The following ZNF66 variants were observed in gnomAD, a reference collection of about 807,000 sequenced individuals.
ZNF66 encodes the protein zinc finger protein 66, also known as putative zinc finger protein 66.
Under a neutral mutation model 35.2 loss-of-function variants are expected in ZNF66, and 32 were observed. The ratio of observed to expected loss-of-function variants is 0.91; its 90% CI spans 0.69 to 1.22. The LOEUF (loss-of-function observed/expected upper bound fraction) is 1.22. Among genes scored for constraint, ZNF66 ranks in the 50% most tolerant of loss-of-function variants. ZNF66 has a pLI of 0.00. For missense variants in ZNF66, 666 were observed against 543.1 expected (o/e 1.23, Z -2.25); for synonymous variants, 231 against 181.3 (o/e 1.27, Z -2.20).
chr19:20,806,416 T>G lies in ZNF66; in HGVS notation c.816T>G (p.Leu272=), dbSNP rs569288527. 3 of 1,561,958 alleles carry G rather than the reference T, an allele frequency of 1.9e-6. No homozygotes were observed. The highest frequency in any genetic ancestry group is 2.7e-5 in the African/African-American group (2 of 74,126). The change falls in exon 4 of 4, where the codon CTT becomes CTG. Residue 272 remains leucine, a synonymous_variant. Transcript: ENST00000344519. The part of the protein sequence containing the change: ...CGKAFKRSSI[L]TTHKRIHTGE... ...AGGCCTTTAAGCGCTCCTCTATCCTTACTACACATAAGAGAATTCATACTG... is the reference window on the plus strand; with the variant it reads ...AGGCCTTTAAGCGCTCCTCTATCCTGACTACACATAAGAGAATTCATACTG...
intron 3 of ZNF66, among the ~76,000 whole-genome samples, chr19:20,797,559 T>C (rs1971407443): frequency 6.7e-6 from 1 of 150,218 alleles, no homozygotes; most frequent in African/African-American, 2.4e-5. Context: ...TAGTGTGTTT[T>C]TCAGTGTAGG....
Position 20,807,567 on chromosome 19 carries a change from A to T in ZNF66, c.*245A>T, listed in dbSNP as rs561113675. Among the ~76,000 whole-genome samples the T allele has an allele frequency of 2.7e-5, 4 of 150,462 alleles. No homozygotes were observed. The highest frequency in any genetic ancestry group is 5.9e-5 in the Non-Finnish European group (4 of 67,794). ...TGAAGAATGTGGCATAGCCTATAAC[A>T]ATTTTCAATCAATTCTTTTTTTTTT... On this transcript the variant is annotated 3_prime_UTR_variant, in exon 4 of 4. Transcript: ENST00000344519.
chr19:20,782,864 A>G (rs1490989563), intron 1 of ZNF66, among the ~76,000 whole-genome samples: 2 of 151,956 alleles, frequency 1.3e-5, no homozygotes, highest in Admixed American at 1.3e-4. Context: ...AAGAAGTTCC[A>G]TTTGTCAATT....
At position 20,807,449 on chromosome 19, in the gene ZNF66, A is replaced by G. The variant is rs1971533263; in HGVS notation, c.*127A>G. The G allele has an allele frequency of 1.8e-6, 1 of 542,792 alleles. No homozygotes were observed. Among genetic ancestry groups the G allele is most frequent in the Admixed American group, 3.3e-5 (1 of 30,724 alleles). The allele number at this position is 542,792 out of a possible 1,614,324, so 33.6% of individuals were successfully genotyped here. ...CTAAATATGAGAATTTATGGAACAC[A>G]AACACTACAAATATAAAGAATGTGA... On this transcript the variant is annotated 3_prime_UTR_variant, in exon 4 of 4. Transcript: ENST00000344519.
chr19:20,793,410 A>G (rs1971360808), intron 2 of ZNF66, among the ~76,000 whole-genome samples: 1 of 135,940 alleles, frequency 7.4e-6, no homozygotes, highest in Admixed American at 8.5e-5. Flanking sequence ...GGCTTACTGC[A>G]ACATCCACCT....
At chr19:20,803,433 A>G (rs1971470049) in intron 3 of ZNF66, among the ~76,000 whole-genome samples, 1 of 151,946 alleles carries the variant, frequency 6.6e-6, no homozygotes, top group Admixed American at 6.6e-5. Context: ...ATCCAACAAT[A>G]TATTTAAATG....
chr19:20,787,863 C>T (rs1371500798), intron 1 of ZNF66, among the ~76,000 whole-genome samples: 1 of 152,200 alleles, frequency 6.6e-6, no homozygotes, highest in African/African-American at 2.4e-5. Flanking sequence ...TCCACCAGGG[C>T]AGTTCCATTT....
Position 20,793,857 on chromosome 19 carries a change from G to C in ZNF66, c.205G>C (p.Glu69Gln). Residue 69 changes from glutamate (E) to glutamine (Q), a missense_variant, in exon 3 of 4, where the codon GAG (glutamate) becomes CAG (glutamine). Transcript: ENST00000344519. ...AAAACCTTCGACTATGCAGAGACAT[G>C]AGATGGTAGCCAACCCCTCAGGTAG... is the stretch of plus-strand genomic sequence containing the variant. ...GKKPSTMQRH[E>Q]MVANPSVLCS... The C allele has an allele frequency of 8.5e-7, 1 of 1,183,138 alleles. No homozygotes were observed. The highest frequency in any genetic ancestry group is 1.2e-6 in the Non-Finnish European group (1 of 841,278). The allele number at this position is 1,183,138 out of a possible 1,614,324, so 73.3% of individuals were successfully genotyped here. A position where few individuals can be genotyped will look rare whatever the true frequency, so the allele number is the denominator to read the frequency against.
In ZNF66 at chr19:20,808,090, A is replaced by G. The variant is rs1010472363; in HGVS notation, c.*768A>G. On this transcript the variant is annotated 3_prime_UTR_variant, in exon 4 of 4. Transcript: ENST00000344519. ...AGCTGGCTCAGAGGGTCCTATGCCCATGGAGTCTCACTGATTGCTAGCACA... is the reference window on the plus strand; with the variant it reads ...AGCTGGCTCAGAGGGTCCTATGCCCGTGGAGTCTCACTGATTGCTAGCACA... Among the ~76,000 whole-genome samples the G allele has an allele frequency of 4.7e-5, 7 of 148,630 alleles. No individual in the cohort carries two copies. Among genetic ancestry groups the G allele is most frequent in the Non-Finnish European group, 8.9e-5 (6 of 67,174 alleles).
At chr19:20,780,202 G>C (rs1971233525) in intron 1 of ZNF66, among the ~76,000 whole-genome samples, 1 of 152,164 alleles carries the variant, frequency 6.6e-6, no homozygotes, top group Non-Finnish European at 1.5e-5. Context: ...GGTAAGAAAA[G>C]AGAGCACTAT....
chr19:20,797,397 G>T (rs112371141), intron 3 of ZNF66, among the ~76,000 whole-genome samples: 1 of 141,090 alleles, frequency 7.1e-6, no homozygotes, highest in Non-Finnish European at 1.6e-5. Context: ...TAGTAGAGAC[G>T]GGGTTTCACC....
intron 3 of ZNF66, among the ~76,000 whole-genome samples, chr19:20,803,876 T>A (rs1317159375): frequency 1.3e-5 from 2 of 152,156 alleles, no homozygotes; most frequent in African/African-American, 2.4e-5. Context: ...AAAGCTTTTT[T>A]TAAATTATTA....
At position 20,792,551 on chromosome 19, in the gene ZNF66, C is replaced by G; in HGVS notation, c.43C>G (p.Leu15Val). Residue 15 changes from leucine to valine, a missense_variant, in exon 2 of 4, where the codon CTG (leucine) becomes GTG (valine). Physicochemically the swap from Leu to Val is conservative, Grantham distance 32 (BLOSUM62 1). Coordinates refer to ENST00000344519, the MANE Select transcript of ZNF66 (RefSeq NM_001355197.2). ...QFRDVAIEFSLEEWHCLDMAQ... is the reference protein window; with the variant it reads ...QFRDVAIEFSVEEWHCLDMAQ... ...TAGAGATGTGGCCATAGAATTCTCT[C>G]TGGAGGAGTGGCATTGCCTGGACAT... 6.5e-7 allele frequency: 1 copy of G among 1,530,360 alleles called. No individual in the cohort carries two copies. Among genetic ancestry groups the G allele is most frequent in the Non-Finnish European group, 9.0e-7 (1 of 1,107,372 alleles). The allele number at this position is 1,530,360 out of a possible 1,614,324, so 94.8% of individuals were successfully genotyped here.
At chr19:20,805,126 T>TGTGTGTGTGTGTGTGTGAGAGA (rs752355466) in intron 3 of ZNF66, among the ~76,000 whole-genome samples, 39 of 146,080 alleles carry the variant, frequency 2.7e-4, no homozygotes, top group African/African-American at 8.6e-4. Flanking sequence ...TGTGTGTGTG[T>TGTGTGTGTGTGTGTGTGAGAGA]GAGAGAGAGA....
chr19:20,783,417 A>G (rs1196123875), intron 1 of ZNF66, among the ~76,000 whole-genome samples: 1 of 152,236 alleles, frequency 6.6e-6, no homozygotes, highest in Non-Finnish European at 1.5e-5. Context: ...TATGTAAATC[A>G]TATTAACAGC....
In ZNF66 at chr19:20,808,735, A is replaced by G. The variant is rs1202446295; in HGVS notation, c.*1413A>G. ...AAAGACCAAAAGTAGATAAAACCAC[A>G]AAGATGGGGAAAAAACAGAGCAGAA... is the stretch of plus-strand genomic sequence containing the variant. On this transcript the variant is annotated 3_prime_UTR_variant, in exon 4 of 4. Coordinates refer to ENST00000344519, the MANE Select transcript of ZNF66 (RefSeq NM_001355197.2). 6.6e-6 allele frequency among the ~76,000 whole-genome samples: 1 copy of G among 152,076 alleles called. No individual in the cohort carries two copies. The highest frequency in any genetic ancestry group is 1.5e-5 in the Non-Finnish European group (1 of 68,002).
intron 1 of ZNF66, among the ~76,000 whole-genome samples, chr19:20,784,339 A>G (rs1313865071): frequency 6.6e-6 from 1 of 152,234 alleles, no homozygotes; most frequent in African/African-American, 2.4e-5. Flanking sequence ...ATTTATATCT[A>G]ATAGCCAGAG....
intron 3 of ZNF66, chr19:20,799,350 C>T (rs998152644): frequency 6.6e-6 from 1 of 152,120 alleles, no homozygotes; most frequent in African/African-American, 2.4e-5. Context: ...GCTTGAGCTA[C>T]TGCACCTGGC....
In ZNF66 at chr19:20,797,189, ATTTTTTTTTTTTTTTT is replaced by A. The variant is rs142052913; in HGVS notation, c.226+3332_226+3347del. Among the ~76,000 whole-genome samples the A allele has an allele frequency of 4.0e-3, 183 of 45,474 alleles. 15 individuals carry two copies. The highest frequency in any genetic ancestry group is 0.012 in the African/African-American group (164 of 13,364). The allele number at this position is 45,474 out of a possible 152,430, so 29.8% of individuals were successfully genotyped here. A position where few individuals can be genotyped will look rare whatever the true frequency, so the allele number is the denominator to read the frequency against. On this transcript the variant is annotated intron_variant, in intron 3 of 3. Coordinates refer to ENST00000344519, the MANE Select transcript of ZNF66 (RefSeq NM_001355197.2). ...ATAATGCATCAATGTTGCATGCTAG[ATTTTTTTTTTTTTTTT>A]TTTTTTTTTTTTTTTTTTTTGAGAC...
Sources: allele counts gnomAD v4.1 joint callset (sites outside exome capture counted in the v4.1 genomes callset), GRCh38; gene constraint gnomAD v4.1.1; transcripts MANE v1.5; gene names NCBI Gene and HGNC (gene_info 2026-07-23, HGNC 2026-07-21).